Variants in CSMD2 observed in about 807,000 individuals in gnomAD.
CSMD2 encodes CUB and Sushi multiple domains 2.
In CSMD2, 130 loss-of-function variants were observed where a neutral mutation model predicts 398.5. That is an observed-to-expected ratio of 0.33 (90% CI 0.28 to 0.38). The LOEUF (loss-of-function observed/expected upper bound fraction) is 0.38. Among genes scored for constraint, CSMD2 ranks in the 10% least tolerant of loss-of-function variants. The pLI is 1.00. For missense variants in CSMD2, 3,829 were observed against 4,764.9 expected, an observed-to-expected ratio of 0.80 and a Z score of 5.78; for synonymous variants, 1,828 against 1,908.5, an observed-to-expected ratio of 0.96 and a Z score of 1.10.
At chr1:33,571,445 TCCCCCACCCCAG>T in intron 51 of CSMD2, 75 bp downstream of exon 51, 1 of 1,070,940 alleles carries the variant, frequency 9.3e-7, no homozygotes, top group Admixed American at 3.4e-5. Flanking sequence ...TACCCCTTTT[TCCCCCACCCCAG>T]TTCACTCCAT....
At chr1:33,553,189 TG>T (rs1295966999) in intron 55 of CSMD2, among the ~76,000 whole-genome samples, 1 of 152,246 alleles carries the variant, frequency 6.6e-6, no homozygotes, top group Non-Finnish European at 1.5e-5. Flanking sequence ...GAAAGGTTTT[TG>T]GTAACCCTGT....
intron 22 of CSMD2, among the ~76,000 whole-genome samples, chr1:33,706,183 C>T (rs939393124): frequency 1.3e-5 from 2 of 151,970 alleles, no homozygotes; most frequent in Admixed American, 6.5e-5. Flanking sequence ...ACATTTCCAG[C>T]GGTTTTTATT....
chr1:33,617,321 T>C (rs537255316), intron 38 of CSMD2, among the ~76,000 whole-genome samples, 178 bp downstream of exon 38: 14 of 152,302 alleles, frequency 9.2e-5, no homozygotes, highest in African/African-American at 3.1e-4. Context: ...TTGTGCCAAA[T>C]TGTTAAAGTC....
At chr1:33,563,811 AG>A (rs1658800000) in intron 53 of CSMD2, among the ~76,000 whole-genome samples, 1 of 152,190 alleles carries the variant, frequency 6.6e-6, no homozygotes, top group Non-Finnish European at 1.5e-5. Flanking sequence ...AGAAAGGGCA[AG>A]GGAACTGACT....
intron 4 of CSMD2, among the ~76,000 whole-genome samples, chr1:33,930,604 C>T (rs977953138): frequency 2.0e-5 from 3 of 152,210 alleles, no homozygotes; most frequent in South Asian, 2.1e-4. Context: ...ATATGAATTC[C>T]GTCACTTCCC....
chr1:33,760,246 T>A (rs1649650182), intron 13 of CSMD2, among the ~76,000 whole-genome samples: 1 of 152,232 alleles, frequency 6.6e-6, no homozygotes, highest in South Asian at 2.1e-4. Context: ...TAGGCCCTCT[T>A]CATTGAGATG....
At position 33,635,177 on chromosome 1, in the gene CSMD2, C is replaced by T. The variant is rs371483149; in HGVS notation, c.5086+37G>A. On this transcript the variant is annotated intron_variant, in intron 31 of 70. Transcript: ENST00000373381. This position sits in a 1 kb window ranked among gnomAD's most constrained non-coding sequence, Gnocchi z 5.0. ...TCATTTTGGAATGAGGGTGAGGAGT[C>T]AGAAAACATATGAACAACAACAACC... 14 of 1,330,870 alleles carry T rather than the reference C, an allele frequency of 1.1e-5. No individual in the cohort carries two copies. In the East Asian group the frequency reaches 3.0e-4, roughly 29 times the overall value. 82.4% of individuals were successfully genotyped at this position (1,330,870 alleles called of 1,614,324 possible).
intron 2 of CSMD2, among the ~76,000 whole-genome samples, chr1:34,081,128 C>T (rs1191083280): frequency 6.6e-6 from 1 of 152,000 alleles, no homozygotes; most frequent in Non-Finnish European, 1.5e-5. Flanking sequence ...GACTAACACA[C>T]ACACAAAAAT....
intron 55 of CSMD2, among the ~76,000 whole-genome samples, 178 bp downstream of exon 55, chr1:33,557,556 A>T (rs532515672): frequency 6.4e-4 from 97 of 152,124 alleles, no homozygotes; most frequent in African/African-American, 2.3e-3. Flanking sequence ...CTCAAGAAGG[A>T]ATCTGAAATC....
chr1:33,547,996 T>G (rs963089250), intron 56 of CSMD2, among the ~76,000 whole-genome samples: 1 of 152,240 alleles, frequency 6.6e-6, no homozygotes, highest in Non-Finnish European at 1.5e-5. Context: ...GTTCTCGTGA[T>G]AGTGAGTGAG....
In CSMD2 at chr1:33,533,313, G is replaced by T; in HGVS notation, c.9992-84C>A. 1 of 1,215,004 alleles carries T rather than the reference G, an allele frequency of 8.2e-7. No homozygotes were observed. The allele number at this position is 1,215,004 out of a possible 1,614,324, so 75.3% of individuals were successfully genotyped here. On this transcript the variant is annotated intron_variant, in intron 63 of 70. Coordinates refer to ENST00000373381, the MANE Select transcript of CSMD2 (RefSeq NM_001281956.2). The surrounding 1 kb of genome is among the most constrained non-coding windows in gnomAD (Gnocchi z 4.2). ...TCGACCATTCCCCTGTTCCTAGATA[G>T]AATATCCTCTTCCTTTCCCTTCCAG...
In CSMD2 at chr1:33,821,432, C is replaced by T. The variant is rs1188427735; in HGVS notation, c.1112-876G>A. Among the ~76,000 whole-genome samples, 7 of 152,300 alleles carry T rather than the reference C, an allele frequency of 4.6e-5. No individual in the cohort carries two copies. In the South Asian group the frequency reaches 1.0e-3, roughly 23 times the overall value. ...CTTTGAGGATGACCAGGAGCTGGAG[C>T]CAGGCACACAGCCTGGTCGGAGGAG... On this transcript the variant is annotated intron_variant, in intron 7 of 70. Transcript: ENST00000373381.
At chr1:33,968,380 C>T (rs1645637249) in intron 3 of CSMD2, among the ~76,000 whole-genome samples, 1 of 152,170 alleles carries the variant, frequency 6.6e-6, no homozygotes. Context: ...CTTGTATTCC[C>T]ATCCCCTTTG....
intron 62 of CSMD2, among the ~76,000 whole-genome samples, chr1:33,535,239 G>A (rs1267312056): frequency 6.6e-6 from 1 of 152,102 alleles, no homozygotes; most frequent in Non-Finnish European, 1.5e-5. Context: ...AAGAGCTATG[G>A]ACATGGTTGT....
intron 33 of CSMD2, among the ~76,000 whole-genome samples, 199 bp from the exon 34 acceptor site, chr1:33,625,453 G>A (rs1326156012): frequency 1.3e-5 from 2 of 152,206 alleles, no homozygotes; most frequent in Non-Finnish European, 2.9e-5. Flanking sequence ...CAGCGCTACA[G>A]CACAGCTCCT....
chr1:34,067,661 T>C (rs1489513246), intron 2 of CSMD2, among the ~76,000 whole-genome samples: 1 of 152,250 alleles, frequency 6.6e-6, no homozygotes, highest in Admixed American at 6.5e-5. Context: ...TTTGCATGTG[T>C]GTGAAAGTTT....
intron 2 of CSMD2, among the ~76,000 whole-genome samples, chr1:34,078,763 G>A (rs1175418851): frequency 1.3e-5 from 2 of 152,228 alleles, no homozygotes; most frequent in South Asian, 2.1e-4. Context: ...GAAGAAAAAT[G>A]TCAGTGCAGC....
At chr1:33,965,496 T>C (rs529609849) in intron 3 of CSMD2, among the ~76,000 whole-genome samples, 8 of 152,274 alleles carry the variant, frequency 5.3e-5, no homozygotes, top group South Asian at 2.1e-4. Flanking sequence ...GTAAGTGTGA[T>C]GGTGAAGGAT....
intron 65 of CSMD2, among the ~76,000 whole-genome samples, chr1:33,525,519 G>C (rs575151677): frequency 6.6e-6 from 1 of 152,318 alleles, no homozygotes; most frequent in East Asian, 1.9e-4. Flanking sequence ...TTGGAGTAGA[G>C]AGTAGAATGA....
Sources: allele counts gnomAD v4.1 joint callset (sites outside exome capture counted in the v4.1 genomes callset), GRCh38; gene constraint gnomAD v4.1.1; non-coding constraint Gnocchi (gnomAD v3.1); transcripts MANE v1.5; gene names NCBI Gene and HGNC (gene_info 2026-07-23, HGNC 2026-07-21).